RALGAPA2: variants seen among roughly 807,000 people sequenced by gnomAD.
RALGAPA2 encodes the protein Ral GTPase activating protein catalytic subunit alpha 2, also known as ral GTPase-activating protein subunit alpha-2.
A neutral mutation model predicts 230.4 loss-of-function variants in RALGAPA2; 139 were observed. The ratio of observed to expected loss-of-function variants is 0.60; its 90% confidence interval spans 0.53 to 0.69. The LOEUF (loss-of-function observed/expected upper bound fraction) is 0.69. Among genes scored for constraint, RALGAPA2 ranks in the 30% least tolerant of loss-of-function variants. The probability of loss-of-function intolerance (pLI) is 0.00; values close to 1 mark genes in which losing one functional copy is unlikely to be tolerated. For missense variants in RALGAPA2, 2,163 were observed against 2,276.0 expected (o/e 0.95, Z 1.01); for synonymous variants, 847 against 837.8 (o/e 1.01, Z -0.19).
At chr20:20,654,165 G>A (rs1176547510) in intron 3 of RALGAPA2, among the ~76,000 whole-genome samples, 3 of 152,182 alleles carry the variant, frequency 2.0e-5, no homozygotes, top group Non-Finnish European at 4.4e-5. Flanking sequence ...GACTTTTGTA[G>A]ATTCCATATA....
intron 37 of RALGAPA2, among the ~76,000 whole-genome samples, chr20:20,429,289 C>T (rs1165965387): frequency 6.6e-6 from 1 of 152,180 alleles, no homozygotes; most frequent in Non-Finnish European, 1.5e-5. Context: ...ATCTTTCAAA[C>T]TTATTTAAGA....
At chr20:20,506,106 G>T (rs1005183414) in intron 33 of RALGAPA2, among the ~76,000 whole-genome samples, 1 of 152,022 alleles carries the variant, frequency 6.6e-6, no homozygotes, top group East Asian at 1.9e-4. Context: ...TCATGAAGGG[G>T]TTTACCAACT....
intron 33 of RALGAPA2, 44 bp downstream of exon 33, chr20:20,511,210 C>A (rs778312783): frequency 3.3e-5 from 51 of 1,546,876 alleles, no homozygotes; most frequent in Admixed American, 1.8e-4. Context: ...CAAGAATACC[C>A]AAAGACAAAC....
chr20:20,524,791 A>C, intron 29 of RALGAPA2, 39 bp downstream of exon 29: 1 of 1,483,574 alleles, frequency 6.7e-7, no homozygotes, highest in Non-Finnish European at 9.1e-7. Flanking sequence ...CATTAAAATA[A>C]AAAAACTATA....
chr20:20,467,456 C>T (rs1044498631), intron 37 of RALGAPA2, among the ~76,000 whole-genome samples: 2 of 152,070 alleles, frequency 1.3e-5, no homozygotes, highest in Non-Finnish European at 2.9e-5. Context: ...TGGGTACATC[C>T]TTTATTCTAC....
At chr20:20,655,782 G>T (rs796674845) in intron 3 of RALGAPA2, among the ~76,000 whole-genome samples, 1 of 152,256 alleles carries the variant, frequency 6.6e-6, no homozygotes, top group African/African-American at 2.4e-5. Context: ...GATCAAGGCC[G>T]GCCAGGTAAA....
At chr20:20,667,323 G>A (rs1415077981) in intron 3 of RALGAPA2, among the ~76,000 whole-genome samples, 2 of 152,126 alleles carry the variant, frequency 1.3e-5, no homozygotes, top group Non-Finnish European at 2.9e-5. Flanking sequence ...GAGACCCAGT[G>A]CTGAATTCCA....
intron 24 of RALGAPA2, among the ~76,000 whole-genome samples, chr20:20,537,390 C>T (rs964875774): frequency 6.6e-6 from 1 of 151,968 alleles, no homozygotes; most frequent in Non-Finnish European, 1.5e-5. Context: ...GAGGCTGAGG[C>T]GGGTGGATCA....
chr20:20,526,476 G>A (rs2063207479), intron 27 of RALGAPA2, 114 bp from the exon 28 acceptor site: 3 of 682,678 alleles, frequency 4.4e-6, no homozygotes, highest in Non-Finnish European at 7.2e-6. Flanking sequence ...TATCTGTTTT[G>A]CCTCAAATTG....
chr20:20,393,646 G>C (rs547684245), intron 39 of RALGAPA2, among the ~76,000 whole-genome samples: 1 of 152,278 alleles, frequency 6.6e-6, no homozygotes, highest in East Asian at 1.9e-4. Flanking sequence ...GCAGATCCCT[G>C]GCGGTGTTCC....
intron 1 of RALGAPA2, among the ~76,000 whole-genome samples, chr20:20,693,868 G>A (rs528824535): frequency 2.0e-5 from 3 of 152,270 alleles, no homozygotes; most frequent in South Asian, 2.1e-4. Context: ...ACTTTGGGAG[G>A]CTGAGGCCTG....
intron 16 of RALGAPA2, among the ~76,000 whole-genome samples, chr20:20,599,360 C>T (rs1025372967): frequency 1.3e-5 from 2 of 152,152 alleles, no homozygotes; most frequent in Non-Finnish European, 2.9e-5. Flanking sequence ...GAAACCCATC[C>T]TTTTATGTCA....
chr20:20,621,392 T>C (rs978259751), intron 10 of RALGAPA2, among the ~76,000 whole-genome samples: 4 of 151,834 alleles, frequency 2.6e-5, no homozygotes, highest in African/African-American at 9.7e-5. Flanking sequence ...GGTGTTGGCC[T>C]GAATCAGCCA....
At chr20:20,606,360 C>T (rs957887867) in intron 14 of RALGAPA2, among the ~76,000 whole-genome samples, 4 of 152,132 alleles carry the variant, frequency 2.6e-5, no homozygotes, top group African/African-American at 9.7e-5. Flanking sequence ...CCAGCTTAGA[C>T]CTCTCTACTG....
intron 36 of RALGAPA2, among the ~76,000 whole-genome samples, chr20:20,489,771 A>C (rs958550571): frequency 2.0e-5 from 3 of 152,184 alleles, no homozygotes; most frequent in Admixed American, 6.5e-5. Flanking sequence ...GTGTGCAGGA[A>C]CCTAGGCAGT....
At chr20:20,413,549 C>T (rs570053776) in intron 37 of RALGAPA2, among the ~76,000 whole-genome samples, 1 of 152,268 alleles carries the variant, frequency 6.6e-6, no homozygotes, top group East Asian at 1.9e-4. Flanking sequence ...AGCTAAAATT[C>T]AGTTGCTTTG....
At chr20:20,405,783 C>T (rs1006464722) in intron 38 of RALGAPA2, among the ~76,000 whole-genome samples, 1 of 152,170 alleles carries the variant, frequency 6.6e-6, no homozygotes, top group African/African-American at 2.4e-5. Context: ...CGGTGGCCCA[C>T]TTTCACTAAG....
chr20:20,595,012 C>T (rs2065409238), intron 16 of RALGAPA2, among the ~76,000 whole-genome samples: 1 of 152,132 alleles, frequency 6.6e-6, no homozygotes, highest in African/African-American at 2.4e-5. Flanking sequence ...AGCCACTGCG[C>T]CCGGCCTAAA....
intron 23 of RALGAPA2, among the ~76,000 whole-genome samples, chr20:20,552,784 A>G (rs16981980): frequency 0.011 from 1,671 of 152,308 alleles, 25 homozygotes; most frequent in African/African-American, 0.038. Context: ...CCAGAAGACC[A>G]GATTTGAAGA....
Sources: gnomAD v4.1 joint callset for allele counts (sites outside exome capture counted in the v4.1 genomes callset) on GRCh38, gnomAD v4.1.1 for gene constraint, MANE v1.5 for transcripts, NCBI Gene and HGNC (gene_info 2026-07-23, HGNC 2026-07-21) for gene names.